Variants in NBEAL1 observed in about 807,000 individuals in gnomAD.
NBEAL1 encodes the protein neurobeachin like 1.
NBEAL1 carries 273 observed loss-of-function variants against 351.3 expected under a neutral mutation model. That is an observed-to-expected ratio of 0.78 (90% CI 0.70 to 0.86). The LOEUF (loss-of-function observed/expected upper bound fraction) is 0.86, where lower values mean the gene tolerates loss of function less well. NBEAL1 is among the 40% of genes least tolerant of loss of function. NBEAL1 has a pLI of 0.00. For missense variants in NBEAL1, 2,961 were observed against 3,201.3 expected, an observed-to-expected ratio of 0.92 and a Z score of 1.81; for synonymous variants, 1,050 against 1,086.4, an observed-to-expected ratio of 0.97 and a Z score of 0.66.
At chr2:203,097,990 T>C (rs1574965460) in intron 11 of NBEAL1, among the ~76,000 whole-genome samples, 1 of 152,214 alleles carries the variant, frequency 6.6e-6, no homozygotes, top group East Asian at 1.9e-4. Flanking sequence ...TCTTTGTGAA[T>C]ATGTATGGTC....
At chr2:203,066,758 C>T (rs1446114372) in intron 6 of NBEAL1, among the ~76,000 whole-genome samples, 11 of 145,826 alleles carry the variant, frequency 7.5e-5, no homozygotes, top group East Asian at 2.1e-4. Context: ...TGGGCAGAGG[C>T]GCTCCTCACT....
chr2:203,092,079 C>T (rs542645270), intron 10 of NBEAL1, among the ~76,000 whole-genome samples: 2 of 152,158 alleles, frequency 1.3e-5, no homozygotes, highest in African/African-American at 2.4e-5. Flanking sequence ...GGTCATAGGG[C>T]GTACACTTTT....
intron 51 of NBEAL1, among the ~76,000 whole-genome samples, chr2:203,207,236 T>C (rs1014693815): frequency 2.0e-5 from 3 of 150,968 alleles, no homozygotes; most frequent in African/African-American, 4.9e-5. Context: ...CCACCCCATC[T>C]GGGAAGTGAA....
At chr2:203,145,994 GA>G (rs1477637270) in intron 33 of NBEAL1, among the ~76,000 whole-genome samples, 1 of 147,650 alleles carries the variant, frequency 6.8e-6, no homozygotes, top group Non-Finnish European at 1.5e-5. Flanking sequence ...TAGCAAGATT[GA>G]CAAAAAAAAA....
Position 203,217,927 on chromosome 2 carries a change from T to G in NBEAL1, c.*573T>G. The G allele has an allele frequency of 1.0e-6, 1 of 968,814 alleles. No homozygotes were observed. The highest frequency in any genetic ancestry group is 1.2e-6 in the Non-Finnish European group (1 of 814,796). The allele number at this position is 968,814 out of a possible 1,614,324, so 60.0% of individuals were successfully genotyped here. On this transcript the variant is annotated 3_prime_UTR_variant, in exon 56 of 56. Coordinates refer to ENST00000683969, the MANE Select transcript of NBEAL1 (RefSeq NM_001378026.1). Reference sequence around the variant, plus strand: ...TAATTCTATTACTACTTAGCGTGTTTCTAATGAGAAGTTACTGAAATCTAT... The same window carrying G: ...TAATTCTATTACTACTTAGCGTGTTGCTAATGAGAAGTTACTGAAATCTAT...
chr2:203,081,955 T>C (rs1043146923), intron 8 of NBEAL1, among the ~76,000 whole-genome samples: 3 of 152,144 alleles, frequency 2.0e-5, no homozygotes, highest in Non-Finnish European at 4.4e-5. Context: ...TTTTTTTAAA[T>C]TAGTCAGGTA....
chr2:203,144,481 C>T (rs2063460127), intron 31 of NBEAL1, 119 bp from the exon 32 acceptor site: 1 of 934,064 alleles, frequency 1.1e-6, no homozygotes, highest in African/African-American at 1.6e-5. Context: ...CATCTGAGAC[C>T]TTTCACAGTT....
chr2:203,175,445 T>C (rs183351099), intron 42 of NBEAL1, among the ~76,000 whole-genome samples, 158 bp downstream of exon 42: 29 of 152,364 alleles, frequency 1.9e-4, no homozygotes, highest in Non-Finnish European at 2.9e-5. Flanking sequence ...TCACTCAAAC[T>C]GTCTCACACA....
intron 41 of NBEAL1, among the ~76,000 whole-genome samples, chr2:203,173,704 C>A (rs938113075): frequency 6.6e-5 from 10 of 151,938 alleles, no homozygotes; most frequent in African/African-American, 2.4e-4. Flanking sequence ...TTTTATAATT[C>A]TTTAAAACAG....
chr2:203,166,243 G>C lies in NBEAL1; in HGVS notation c.5809G>C (p.Glu1937Gln), dbSNP rs1290540078. 1.2e-6 allele frequency: 2 copies of C among 1,611,604 alleles called. No individual in the cohort carries two copies. The highest frequency in any genetic ancestry group is 1.7e-5 in the Admixed American group (1 of 59,540). ...TIIDVIPGRL[E>Q]ITTQHIYFYD... ...AATTGATGTAATTCCTGGCAGATTA[G>C]AAATCACTACTCAACACATTTACTT... Residue 1937 changes from glutamate (E) to glutamine (Q), a missense_variant, in exon 37 of 56, where the codon GAA becomes CAA. Coordinates refer to ENST00000683969, the MANE Select transcript of NBEAL1 (RefSeq NM_001378026.1).
At chr2:203,138,084 C>T in intron 29 of NBEAL1, 78 bp from the exon 30 acceptor site, 1 of 1,334,772 alleles carries the variant, frequency 7.5e-7, no homozygotes, top group South Asian at 1.4e-5. Context: ...GCCTCTCAAG[C>T]TATTTTGTTT....
At chr2:203,128,034 A>T in intron 24 of NBEAL1, 97 bp downstream of exon 24, 1 of 914,156 alleles carries the variant, frequency 1.1e-6, no homozygotes, top group Non-Finnish European at 1.7e-6. Flanking sequence ...ATATTTTGAG[A>T]GTAAAATATG....
chr2:203,165,316 A>G (rs1372571992), intron 36 of NBEAL1, among the ~76,000 whole-genome samples: 1 of 152,180 alleles, frequency 6.6e-6, no homozygotes, highest in Non-Finnish European at 1.5e-5. Context: ...TCTTTGCATT[A>G]TCTCTAGTTC....
At position 203,223,491 on chromosome 2, in the gene NBEAL1, T is replaced by G. The variant is rs2065977455; in HGVS notation, c.*6137T>G. On this transcript the variant is annotated 3_prime_UTR_variant, in exon 56 of 56. Transcript: ENST00000683969. The stretch of plus-strand genomic sequence containing the variant: ...CATTATTTAAATTAATTTATAATTA[T>G]TTTTCAGTGTACAGAGTGATTAGCG... Among the ~76,000 whole-genome samples the G allele has an allele frequency of 6.6e-6, 1 of 152,068 alleles. No homozygotes were observed. Among genetic ancestry groups the G allele is most frequent in the Non-Finnish European group, 1.5e-5 (1 of 67,944 alleles).
chr2:203,046,618 G>A (rs1293499287), intron 3 of NBEAL1, among the ~76,000 whole-genome samples: 1 of 152,130 alleles, frequency 6.6e-6, no homozygotes, highest in Non-Finnish European at 1.5e-5. Flanking sequence ...CCTGTCTTCT[G>A]TTTCTTGCTG....
intron 18 of NBEAL1, among the ~76,000 whole-genome samples, chr2:203,121,890 A>G (rs1373713724): frequency 6.6e-6 from 1 of 151,488 alleles, no homozygotes; most frequent in Non-Finnish European, 1.5e-5. Context: ...GGTTCAAGCA[A>G]TTCTCCTCCC....
chr2:203,059,184 T>G (rs1052709301), intron 6 of NBEAL1, among the ~76,000 whole-genome samples: 2 of 152,228 alleles, frequency 1.3e-5, no homozygotes, highest in African/African-American at 4.8e-5. Context: ...ATATACTATG[T>G]GGTAACACCT....
In NBEAL1 at chr2:203,223,988, A is replaced by G. The variant is rs1375849571; in HGVS notation, c.*6634A>G. ...AAAACTGTCAGCGTCTGTTTTGTAT[A>G]TAGGGATTAAAGAGGATAACTTTAT... On this transcript the variant is annotated 3_prime_UTR_variant, in exon 56 of 56. Transcript: ENST00000683969. 6.6e-6 allele frequency among the ~76,000 whole-genome samples: 1 copy of G among 152,052 alleles called. No individual in the cohort carries two copies. The highest frequency in any genetic ancestry group is 2.1e-4 in the South Asian group (1 of 4,834).
rs370434134 is a variant in NBEAL1, at chr2:203,071,631, A to G, written c.598+3156A>G. Among the ~76,000 whole-genome samples the G allele has an allele frequency of 8.5e-5, 13 of 152,300 alleles. 1 individual carries two copies. In the East Asian group the frequency reaches 2.1e-3, roughly 25 times the overall value. Reference sequence around the variant, plus strand: ...ATTTTCACATCAACTCTGTAAGTCTAAAGTTCAAAATCTTATCTAAATATC... The same window carrying G: ...ATTTTCACATCAACTCTGTAAGTCTGAAGTTCAAAATCTTATCTAAATATC... On this transcript the variant is annotated intron_variant, in intron 7 of 55. Coordinates refer to ENST00000683969, the MANE Select transcript of NBEAL1 (RefSeq NM_001378026.1).
Sources: gnomAD v4.1 joint callset for allele counts (sites outside exome capture counted in the v4.1 genomes callset) on GRCh38, gnomAD v4.1.1 for gene constraint, MANE v1.5 for transcripts, NCBI Gene and HGNC (gene_info 2026-07-23, HGNC 2026-07-21) for gene names.